DTD1: variants seen among roughly 807,000 people sequenced by gnomAD.
DTD1 encodes D-aminoacyl-tRNA deacylase 1.
In DTD1, 13 loss-of-function variants were observed where a neutral mutation model predicts 25.6. The observed-to-expected ratio is 0.51, with a 90% CI of 0.33 to 0.81. The LOEUF (loss-of-function observed/expected upper bound fraction) is 0.81. Ranked by LOEUF, DTD1 falls within the 30% of genes least tolerant of loss-of-function variation. The probability of loss-of-function intolerance (pLI) is 0.02; values close to 1 mark genes in which losing one functional copy is unlikely to be tolerated. For synonymous variants in DTD1, 110 were observed against 103.6 expected (o/e 1.06, Z -0.37); for missense variants, 193 against 266.4 (o/e 0.72, Z 1.92).
At chr20:18,644,733 A>G (rs1320196984) in intron 4 of DTD1, among the ~76,000 whole-genome samples, 1 of 152,164 alleles carries the variant, frequency 6.6e-6, no homozygotes, top group Non-Finnish European at 1.5e-5. Context: ...TTCCAAGTCT[A>G]TTTCAGTACC....
intron 4 of DTD1, chr20:18,632,696 T>C: frequency 4.1e-6 from 4 of 966,530 alleles, no homozygotes; most frequent in Non-Finnish European, 4.9e-6. Context: ...TTCAACGTTA[T>C]AGAAAAATGA....
chr20:18,694,121 C>T (rs564573311), intron 4 of DTD1, among the ~76,000 whole-genome samples: 1 of 152,192 alleles, frequency 6.6e-6, no homozygotes, highest in African/African-American at 2.4e-5. Flanking sequence ...CTTCTCAGAC[C>T]CTGCTCTGAC....
At chr20:18,635,797 G>A (rs2060805047) in intron 4 of DTD1, among the ~76,000 whole-genome samples, 2 of 152,162 alleles carry the variant, frequency 1.3e-5, no homozygotes, top group African/African-American at 4.8e-5. Flanking sequence ...TGGCATGACT[G>A]TCTCTTTGTT....
At chr20:18,600,847 G>A (rs1415572036) in intron 3 of DTD1, among the ~76,000 whole-genome samples, 2 of 152,028 alleles carry the variant, frequency 1.3e-5, no homozygotes, top group Non-Finnish European at 2.9e-5. Flanking sequence ...GTTTCATTCT[G>A]AGGGGTGCTA....
At chr20:18,683,727 G>A (rs188421461) in intron 4 of DTD1, among the ~76,000 whole-genome samples, 1 of 152,318 alleles carries the variant, frequency 6.6e-6, no homozygotes, top group East Asian at 1.9e-4. Context: ...GACCTTCTTT[G>A]GGGGTAGTTT....
chr20:18,600,210 T>C lies in DTD1; in HGVS notation c.370+3969T>C, dbSNP rs1193686525. On this transcript the variant is annotated intron_variant, in intron 3 of 5. Transcript: ENST00000377452. ...CCAACATAATCTAGATTTTTTCCTG[T>C]TATCTTCTAGGAGCTTTATAGGTTT... 3.9e-5 allele frequency among the ~76,000 whole-genome samples: 6 copies of C among 152,218 alleles called. No homozygotes were observed. In the East Asian group the frequency reaches 1.2e-3, roughly 29 times the overall value.
chr20:18,600,819 T>A (rs1228295555), intron 3 of DTD1, among the ~76,000 whole-genome samples: 1 of 152,216 alleles, frequency 6.6e-6, no homozygotes, highest in Non-Finnish European at 1.5e-5. Flanking sequence ...TAATTTTTTT[T>A]AAGATTTATA....
At chr20:18,726,887 ACT>A (rs1236044880) in intron 4 of DTD1, among the ~76,000 whole-genome samples, 2 of 140,786 alleles carry the variant, frequency 1.4e-5, no homozygotes, top group African/African-American at 2.5e-5. Flanking sequence ...GCCAGAAAGG[ACT>A]CTCCTTGGAG....
intron 4 of DTD1, among the ~76,000 whole-genome samples, chr20:18,686,781 G>C (rs1295015799): frequency 6.6e-6 from 1 of 151,856 alleles, no homozygotes. Context: ...TGTGTTCTCT[G>C]TTGTCCACCG....
At chr20:18,638,902 G>A (rs1040005925) in intron 4 of DTD1, among the ~76,000 whole-genome samples, 6 of 152,130 alleles carry the variant, frequency 3.9e-5, no homozygotes, top group South Asian at 4.1e-4. Context: ...GCCTTCCACA[G>A]TAGAGCTTTT....
chr20:18,744,195 A>C lies in DTD1; in HGVS notation c.573A>C (p.Glu191Asp). The C allele has an allele frequency of 1.2e-6, 2 of 1,612,328 alleles. No individual in the cohort carries two copies. The highest frequency in any genetic ancestry group is 1.7e-6 in the Non-Finnish European group (2 of 1,180,030). The part of the protein sequence containing the change: ...SSKERNTPRK[E>D]DRSASSGAEG... ...AGGAAAGAAACACTCCCCGAAAAGA[A>C]GACCGCAGTGCCAGCAGCGGGGCTG... The change falls in exon 5 of 6, where the codon GAA (glutamate) becomes GAC (aspartate). Residue 191 changes from glutamate (E) to aspartate (D), a missense_variant. Physicochemically the swap from Glu to Asp is conservative, Grantham distance 45 (BLOSUM62 2). Coordinates refer to ENST00000377452, the MANE Select transcript of DTD1 (RefSeq NM_080820.6).
intron 4 of DTD1, chr20:18,631,812 ATT>A (rs61614540): frequency 0.02 from 19,936 of 984,948 alleles, 221 homozygotes; most frequent in African/African-American, 0.024. Context: ...TTGGAGAAAA[ATT>A]TTAGTCTTTT....
intron 4 of DTD1, among the ~76,000 whole-genome samples, chr20:18,735,850 C>T (rs1247078813): frequency 3.3e-5 from 5 of 152,050 alleles, no homozygotes; most frequent in African/African-American, 1.2e-4. Flanking sequence ...CACCATCTCA[C>T]TCTAGAGCAC....
At chr20:18,672,951 G>A (rs1037681845) in intron 4 of DTD1, among the ~76,000 whole-genome samples, 3 of 152,164 alleles carry the variant, frequency 2.0e-5, no homozygotes, top group East Asian at 1.9e-4. Flanking sequence ...AAAAGCGAGC[G>A]GGCCCTGTCG....
chr20:18,684,306 A>AG, intron 4 of DTD1, among the ~76,000 whole-genome samples: 1 of 151,364 alleles, frequency 6.6e-6, no homozygotes, highest in African/African-American at 2.4e-5. Context: ...TTTTTTCTTG[A>AG]GATGGAGTCT....
intron 1 of DTD1, among the ~76,000 whole-genome samples, chr20:18,588,342 C>A (rs952779768): frequency 6.6e-6 from 1 of 152,116 alleles, no homozygotes; most frequent in African/African-American, 2.4e-5. Context: ...CCCGGCGCGC[C>A]CCTGGCTTCC....
chr20:18,705,982 G>A (rs993055927), intron 4 of DTD1, among the ~76,000 whole-genome samples: 14 of 152,166 alleles, frequency 9.2e-5, no homozygotes, highest in Non-Finnish European at 1.9e-4. Flanking sequence ...GAACTCCACT[G>A]GAAAAGGGGA....
intron 1 of DTD1, among the ~76,000 whole-genome samples, chr20:18,591,745 T>C (rs973063875): frequency 2.0e-5 from 3 of 152,208 alleles, no homozygotes; most frequent in Non-Finnish European, 2.9e-5. Context: ...ATATCAATAT[T>C]GTAAGAAAGT....
At position 18,712,510 on chromosome 20, in the gene DTD1, A is replaced by G. The variant is rs571157284; in HGVS notation, c.478-31590A>G. Reference sequence around the variant, plus strand: ...TCTCTCACTTGTGTTTTAGCTGGCTATTCATTTACAATGGAATCATTGGAT... The same window carrying G: ...TCTCTCACTTGTGTTTTAGCTGGCTGTTCATTTACAATGGAATCATTGGAT... On this transcript the variant is annotated intron_variant, in intron 4 of 5. Transcript: ENST00000377452. Among the ~76,000 whole-genome samples the G allele has an allele frequency of 1.3e-4, 20 of 152,214 alleles. No homozygotes were observed. The South Asian group carries it at 3.9e-3, about 30-fold the overall frequency.
Sources: allele counts gnomAD v4.1 joint callset (sites outside exome capture counted in the v4.1 genomes callset), GRCh38; gene constraint gnomAD v4.1.1; transcripts MANE v1.5; gene names NCBI Gene and HGNC (gene_info 2026-07-23, HGNC 2026-07-21).